Variants in NEGR1 observed in about 807,000 individuals in gnomAD.
NEGR1 encodes neuronal growth regulator 1.
A neutral mutation model predicts 40.9 loss-of-function variants in NEGR1; 10 were observed. That is an observed-to-expected ratio of 0.24 (90% CI 0.15 to 0.42). NEGR1 has a LOEUF of 0.42. NEGR1 is among the 10% of genes least tolerant of loss of function. The probability of loss-of-function intolerance (pLI) is 1.00; values close to 1 mark genes in which losing one functional copy is unlikely to be tolerated. For synonymous variants in NEGR1, 185 were observed against 166.8 expected, an observed-to-expected ratio of 1.11 and a Z score of -0.84; for missense variants, 352 against 438.9, an observed-to-expected ratio of 0.80 and a Z score of 1.77.
intron 6 of NEGR1, among the ~76,000 whole-genome samples, chr1:71,552,601 C>CTATATATATT (rs1450988951): frequency 6.8e-6 from 1 of 147,954 alleles, no homozygotes; most frequent in Non-Finnish European, 1.5e-5. Flanking sequence ...TATTCTATTT[C>CTATATATATT]TAGAAGAATA....
At chr1:71,871,061 A>C (rs1660264336) in intron 2 of NEGR1, among the ~76,000 whole-genome samples, 1 of 152,208 alleles carries the variant, frequency 6.6e-6, no homozygotes, top group Admixed American at 6.5e-5. Flanking sequence ...GGATTACATT[A>C]AGAAGGGGAG....
At chr1:71,672,491 A>G (rs893376347) in intron 4 of NEGR1, among the ~76,000 whole-genome samples, 1 of 152,192 alleles carries the variant, frequency 6.6e-6, no homozygotes, top group Non-Finnish European at 1.5e-5. Context: ...GCAGAGTGAT[A>G]TATTATAAAT....
At chr1:71,828,419 A>G (rs1293600139) in intron 2 of NEGR1, among the ~76,000 whole-genome samples, 1 of 152,024 alleles carries the variant, frequency 6.6e-6, no homozygotes, top group Non-Finnish European at 1.5e-5. Context: ...CATGTATTTT[A>G]GGTTCCTGGG....
intron 1 of NEGR1, among the ~76,000 whole-genome samples, chr1:72,091,824 A>G (rs1203920894): frequency 1.3e-5 from 2 of 152,156 alleles, no homozygotes; most frequent in African/African-American, 4.8e-5. Context: ...CAAGATGCCA[A>G]TAAGGTAGGT....
chr1:71,597,571 A>T (rs1649766071), intron 5 of NEGR1, among the ~76,000 whole-genome samples: 1 of 147,614 alleles, frequency 6.8e-6, no homozygotes, highest in Non-Finnish European at 1.5e-5. Context: ...TATGTGGGAC[A>T]TTTTATCTGT....
At chr1:72,222,813 A>G (rs1654057407) in intron 1 of NEGR1, among the ~76,000 whole-genome samples, 1 of 151,960 alleles carries the variant, frequency 6.6e-6, no homozygotes, top group African/African-American at 2.4e-5. Flanking sequence ...CTAAGAAACC[A>G]TAATGGGAAT....
intron 1 of NEGR1, among the ~76,000 whole-genome samples, chr1:71,991,245 C>G (rs1160050027): frequency 6.6e-6 from 1 of 152,036 alleles, no homozygotes; most frequent in Non-Finnish European, 1.5e-5. Context: ...ACAGTTAGCT[C>G]TCAAGTTGCA....
intron 1 of NEGR1, among the ~76,000 whole-genome samples, chr1:72,229,590 A>G (rs1280175260): frequency 1.3e-5 from 2 of 150,944 alleles, no homozygotes; most frequent in African/African-American, 4.8e-5. Context: ...TGGAAAATAT[A>G]CTTAAAATAA....
At chr1:71,502,544 C>G (rs1195918535) in intron 6 of NEGR1, among the ~76,000 whole-genome samples, 5 of 152,084 alleles carry the variant, frequency 3.3e-5, no homozygotes, top group Non-Finnish European at 5.9e-5. Flanking sequence ...GGGGTTTTGT[C>G]CAGGATCTCT....
chr1:71,615,949 C>T (rs760571905), intron 4 of NEGR1, among the ~76,000 whole-genome samples: 5 of 152,182 alleles, frequency 3.3e-5, no homozygotes, highest in Non-Finnish European at 7.3e-5. Context: ...TAGATCATTG[C>T]TCACATTGGA....
chr1:71,440,819 G>C (rs1379025781), intron 6 of NEGR1, among the ~76,000 whole-genome samples: 1 of 152,158 alleles, frequency 6.6e-6, no homozygotes, highest in South Asian at 2.1e-4. Context: ...AGAAATGAAA[G>C]AACAAAGTCT....
intron 2 of NEGR1, among the ~76,000 whole-genome samples, chr1:71,799,228 T>C (rs1367548499): frequency 1.3e-5 from 2 of 152,040 alleles, no homozygotes; most frequent in African/African-American, 4.8e-5. Context: ...CAGTGTGTGA[T>C]ATTCACCTCC....
chr1:72,116,530 A>G (rs1209586029), intron 1 of NEGR1, among the ~76,000 whole-genome samples: 1 of 151,720 alleles, frequency 6.6e-6, no homozygotes, highest in Non-Finnish European at 1.5e-5. Context: ...AAGATAATCA[A>G]TTAGTTGAAT....
At chr1:72,225,249 G>A (rs1654138883) in intron 1 of NEGR1, among the ~76,000 whole-genome samples, 1 of 151,778 alleles carries the variant, frequency 6.6e-6, no homozygotes, top group African/African-American at 2.4e-5. Flanking sequence ...TTGAATACAA[G>A]TCCTCCTGAT....
chr1:71,588,694 G>T (rs1235455824), intron 6 of NEGR1, among the ~76,000 whole-genome samples: 1 of 152,108 alleles, frequency 6.6e-6, no homozygotes, highest in Admixed American at 6.6e-5. Context: ...AGATAAAGGG[G>T]TTTAAGTTGT....
Position 72,094,118 on chromosome 1 carries a change from T to C in NEGR1, c.177-158807A>G, listed in dbSNP as rs185421335. On this transcript the variant is annotated intron_variant, in intron 1 of 6. Transcript: ENST00000357731. ...CATGGCCTTACATAGTTTATAATAG[T>C]ATGTGTTGGGCGCTCTGATGCTTTC... is the stretch of plus-strand genomic sequence containing the variant. Among the ~76,000 whole-genome samples, 96 of 152,266 alleles carry C rather than the reference T, an allele frequency of 6.3e-4. 1 individual carries two copies. The highest frequency in any genetic ancestry group is 9.7e-4 in the East Asian group (5 of 5,168).
chr1:72,069,609 C>T (rs1647381060), intron 1 of NEGR1, among the ~76,000 whole-genome samples: 1 of 152,066 alleles, frequency 6.6e-6, no homozygotes, highest in African/African-American at 2.4e-5. Context: ...ACATAGAACA[C>T]ATGCACAGTC....
intron 1 of NEGR1, among the ~76,000 whole-genome samples, chr1:71,948,179 A>T (rs181374700): frequency 5.9e-5 from 9 of 152,280 alleles, no homozygotes; most frequent in African/African-American, 2.2e-4. Context: ...AATGTAGCAC[A>T]CTTTATTATA....
chr1:71,757,866 G>T (rs924789207), intron 3 of NEGR1, among the ~76,000 whole-genome samples: 4 of 152,016 alleles, frequency 2.6e-5, no homozygotes, highest in African/African-American at 9.7e-5. Context: ...TATTCATCAC[G>T]ATCTTTTATT....
Sources: gnomAD v4.1 joint callset for allele counts (sites outside exome capture counted in the v4.1 genomes callset) on GRCh38, gnomAD v4.1.1 for gene constraint, MANE v1.5 for transcripts, NCBI Gene and HGNC (gene_info 2026-07-23, HGNC 2026-07-21) for gene names.